SMCHD1: variants seen among roughly 807,000 people sequenced by gnomAD.
The protein encoded by SMCHD1 is structural maintenance of chromosomes flexible hinge domain containing 1, also known as structural maintenance of chromosomes flexible hinge domain-containing protein 1.
In SMCHD1, 78 loss-of-function variants were observed where a neutral mutation model predicts 254.7. That is an observed-to-expected ratio of 0.31 (90% CI 0.26 to 0.37). The LOEUF (loss-of-function observed/expected upper bound fraction) is 0.37. Among genes scored for constraint, SMCHD1 ranks in the 10% least tolerant of loss-of-function variants. SMCHD1 has a pLI of 1.00. For missense variants in SMCHD1, 1,840 were observed against 2,408.1 expected (o/e 0.76, Z 4.94); for synonymous variants, 766 against 794.9 (o/e 0.96, Z 0.61).
rs372694951 is a variant in SMCHD1 at position 2,685,094 on chromosome 18, A to ATTTTTTTTTTTTT, written c.639-3293_639-3292insTTTTTTTTTTTTT. ...AGCACACTGTTCTGTTCTGTCCCTT[A>ATTTTTTTTTTTTT]TTTTTTTCTTTTTTTTTTTTTTTTG... On this transcript the variant is annotated intron_variant, in intron 5 of 47. Transcript: ENST00000320876. Among the ~76,000 whole-genome samples the ATTTTTTTTTTTTT allele has an allele frequency of 1.1e-4, 9 of 81,878 alleles. 2 individuals are homozygous for ATTTTTTTTTTTTT. Among genetic ancestry groups the ATTTTTTTTTTTTT allele is most frequent in the African/African-American group, 3.1e-4 (6 of 19,672 alleles). 53.7% of individuals were successfully genotyped at this position (81,878 alleles called of 152,430 possible).
At chr18:2,677,992 T>G (rs1351427862) in intron 5 of SMCHD1, among the ~76,000 whole-genome samples, 1 of 152,188 alleles carries the variant, frequency 6.6e-6, no homozygotes, top group African/African-American at 2.4e-5. Flanking sequence ...AACAATCCAG[T>G]CTGGATTAAT....
chr18:2,671,251 A>G (rs1042303025), intron 3 of SMCHD1, among the ~76,000 whole-genome samples: 1 of 151,834 alleles, frequency 6.6e-6, no homozygotes, highest in Non-Finnish European at 1.5e-5. Context: ...ATCTTTAATT[A>G]TTTTCCTGGG....
In SMCHD1 at chr18:2,762,207, T is replaced by G; in HGVS notation, c.4537T>G (p.Leu1513Val). The change falls in exon 36 of 48, where the codon TTG (leucine) becomes GTG (valine). Residue 1513 changes from leucine to valine, a missense_variant. By Grantham distance (32) the Leu-to-Val change is conservative. Around this residue, in one of 9 missense-constraint regions of SMCHD1, gnomAD observed 881 missense variants for 1,009.5 expected, o/e 0.87. Coordinates refer to ENST00000320876, the MANE Select transcript of SMCHD1 (RefSeq NM_015295.3). ...SNVRSVASRTLVRDLHLSITD... is the reference protein window; with the variant it reads ...SNVRSVASRTVVRDLHLSITD... ...TGTTCGCTCAGTTGCCAGTAGGACC[T>G]TGGTCAGAGATCTACATCTTAGTAT... The G allele has an allele frequency of 6.2e-7, 1 of 1,612,186 alleles. No homozygotes were observed. Among genetic ancestry groups the G allele is most frequent in the Non-Finnish European group, 8.5e-7 (1 of 1,179,214 alleles).
At chr18:2,711,704 G>T (rs890195815) in intron 17 of SMCHD1, among the ~76,000 whole-genome samples, 1 of 151,454 alleles carries the variant, frequency 6.6e-6, no homozygotes, top group Non-Finnish European at 1.5e-5. Flanking sequence ...GGATGGTCTC[G>T]ATCTCCTGAC....
intron 31 of SMCHD1, 74 bp from the exon 32 acceptor site, chr18:2,750,276 T>C (rs2075546465): frequency 6.7e-7 from 1 of 1,485,726 alleles, no homozygotes; most frequent in African/African-American, 1.4e-5. Context: ...AGTTGAACTT[T>C]GCATAAATTG....
chr18:2,667,529 C>CCT (rs1182681404), intron 3 of SMCHD1, among the ~76,000 whole-genome samples: 2 of 152,182 alleles, frequency 1.3e-5, no homozygotes, highest in Non-Finnish European at 2.9e-5. Flanking sequence ...TTTACTGAAT[C>CCT]CTCTCTTTCA....
intron 44 of SMCHD1, among the ~76,000 whole-genome samples, chr18:2,782,969 A>G (rs1279517177): frequency 1.3e-5 from 2 of 152,118 alleles, no homozygotes; most frequent in African/African-American, 4.8e-5. Context: ...TTACCAAAGA[A>G]TTCACCACAG....
Position 2,705,778 on chromosome 18 carries a change from G to A in SMCHD1, c.1927G>A (p.Ala643Thr). The A allele has an allele frequency of 6.2e-7, 1 of 1,604,406 alleles. No homozygotes were observed. Among genetic ancestry groups the A allele is most frequent in the East Asian group, 2.2e-5 (1 of 44,634 alleles). Residue 643 changes from alanine (A) to threonine (T), a missense_variant, in exon 14 of 48, where the codon GCT becomes ACT. This residue lies in a region of SMCHD1 where 498 missense variants were observed against 743.5 expected (regional missense o/e 0.67). Coordinates refer to ENST00000320876, the MANE Select transcript of SMCHD1 (RefSeq NM_015295.3). ...LYGDHDGEVY[A>T]TGGEVQIAME... Reference sequence around the variant, plus strand: ...TGGCGATCATGATGGAGAAGTATATGCTACAGGAGGAGAGGTTCAAATTGC... The same window carrying A: ...TGGCGATCATGATGGAGAAGTATATACTACAGGAGGAGAGGTTCAAATTGC...
At position 2,745,414 on chromosome 18, in the gene SMCHD1, C is replaced by T. The variant is rs74922690; in HGVS notation, c.3801+1486C>T. Among the ~76,000 whole-genome samples, 656 of 152,304 alleles carry T rather than the reference C, an allele frequency of 4.3e-3. 4 individuals carry two copies. The highest frequency in any genetic ancestry group is 0.014 in the African/African-American group (598 of 41,556). ...AGGTCATCTAAGAAAGGTTAACATGCTCATGCCTTAGTTTGAGATTGATCT... is the reference window on the plus strand; with the variant it reads ...AGGTCATCTAAGAAAGGTTAACATGTTCATGCCTTAGTTTGAGATTGATCT... On this transcript the variant is annotated intron_variant, in intron 29 of 47. Coordinates refer to ENST00000320876, the MANE Select transcript of SMCHD1 (RefSeq NM_015295.3).
intron 36 of SMCHD1, among the ~76,000 whole-genome samples, 172 bp from the exon 37 acceptor site, chr18:2,763,465 T>C (rs1325940593): frequency 6.6e-6 from 1 of 152,216 alleles, no homozygotes; most frequent in Non-Finnish European, 1.5e-5. Flanking sequence ...CTGGAACTAT[T>C]TCTTGCCTGT....
intron 32 of SMCHD1, 51 bp downstream of exon 32, chr18:2,750,558 C>T (rs2075552145): frequency 1.4e-6 from 2 of 1,444,962 alleles, no homozygotes; most frequent in Non-Finnish European, 1.9e-6. Context: ...TTGCTTTGTA[C>T]ATTAGTGGAA....
chr18:2,801,416 CT>C (rs1050178759), intron 47 of SMCHD1, among the ~76,000 whole-genome samples: 12 of 152,310 alleles, frequency 7.9e-5, no homozygotes, highest in African/African-American at 2.9e-4. Flanking sequence ...TGGACTGCGA[CT>C]TTCTCCTCTT....
chr18:2,718,371 A>G lies in SMCHD1; in HGVS notation c.2395A>G (p.Ser799Gly). 6.2e-7 allele frequency: 1 copy of G among 1,612,710 alleles called. No individual in the cohort carries two copies. The highest frequency in any genetic ancestry group is 8.5e-7 in the Non-Finnish European group (1 of 1,179,024). ...GAAATTACAAGTTGTGTTGAATGAA[A>G]GTAATGCAGACACTTATGCAGGAAG... is the stretch of plus-strand genomic sequence containing the variant. ...TLKLQVVLNESNADTYAGRPL... is the reference protein window; with the variant it reads ...TLKLQVVLNEGNADTYAGRPL... The change falls in exon 19 of 48, where the codon AGT becomes GGT. Residue 799 changes from serine to glycine, a missense_variant. Coordinates refer to ENST00000320876, the MANE Select transcript of SMCHD1 (RefSeq NM_015295.3). This position sits in a 1 kb window ranked among gnomAD's most constrained non-coding sequence, Gnocchi z 4.6.
At position 2,656,110 on chromosome 18, in the gene SMCHD1, C is replaced by A. The variant is rs955025983; in HGVS notation, c.35C>A (p.Ala12Asp). Residue 12 changes from alanine (A) to aspartate (D), a missense_variant, in exon 1 of 48, where the codon GCC (alanine) becomes GAC (aspartate). Around this residue, in one of 9 missense-constraint regions of SMCHD1, gnomAD observed 115 missense variants for 99.1 expected, o/e 1.16. Transcript: ENST00000320876. ...AAADGGGPGG[A>D]SVGTEEDGGG... ...GCGGACGGCGGCGGGCCTGGTGGGG[C>A]CTCTGTGGGGACTGAGGAGGATGGC... is the stretch of plus-strand genomic sequence containing the variant. The A allele has an allele frequency of 4.2e-6, 6 of 1,440,168 alleles. No homozygotes were observed. The highest frequency in any genetic ancestry group is 5.5e-6 in the Non-Finnish European group (6 of 1,096,304). 89.2% of individuals were successfully genotyped at this position (1,440,168 alleles called of 1,614,324 possible). A position where few individuals can be genotyped will look rare whatever the true frequency, so the allele number is the denominator to read the frequency against.
At position 2,796,500 on chromosome 18, in the gene SMCHD1, G is replaced by A. The variant is rs1221685804; in HGVS notation, c.5972G>A (p.Arg1991Gln). Residue 1991 changes from arginine (R) to glutamine (Q), a missense_variant, in exon 47 of 48, where the codon CGA becomes CAA. Physicochemically the swap from Arg to Gln is conservative, Grantham distance 43. Around this residue, in one of 9 missense-constraint regions of SMCHD1, gnomAD observed 132 missense variants for 138.2 expected, o/e 0.95. Transcript: ENST00000320876. ...CCAGTTCCTCCTAAAAGAATGAGAC[G>A]AGAAGCTACAAGACAAAATAGGTGA... The part of the protein sequence containing the change: ...DCPVPPKRMR[R>Q]EATRQNRIIT... 3 of 1,599,160 alleles carry A rather than the reference G, an allele frequency of 1.9e-6. No individual in the cohort carries two copies. Among genetic ancestry groups the A allele is most frequent in the Non-Finnish European group, 1.7e-6 (2 of 1,172,250 alleles).
rs1290109292 is a variant in SMCHD1 at position 2,762,143 on chromosome 18, A to C, written c.4473A>C (p.Leu1491Phe). 6.2e-7 allele frequency: 1 copy of C among 1,613,682 alleles called. No homozygotes were observed. The highest frequency in any genetic ancestry group is 1.7e-5 in the Admixed American group (1 of 60,028). ...TCCTGCCTAATCAACCTGTGAAGTTAGTACCTAAAATTAAACCACCTACAC... is the reference window on the plus strand; with the variant it reads ...TCCTGCCTAATCAACCTGTGAAGTTCGTACCTAAAATTAAACCACCTACAC... The part of the protein sequence containing the change: ...VEVLPNQPVK[L>F]VPKIKPPTPA... The change falls in exon 36 of 48, where the codon TTA becomes TTC. Residue 1491 changes from leucine (L) to phenylalanine (F), a missense_variant. Physicochemically the swap from Leu to Phe is conservative, Grantham distance 22. This residue lies in a region of SMCHD1 where 881 missense variants were observed against 1,009.5 expected (regional missense o/e 0.87). Transcript: ENST00000320876.
At chr18:2,781,036 T>C (rs902267368) in intron 44 of SMCHD1, among the ~76,000 whole-genome samples, 24 of 152,166 alleles carry the variant, frequency 1.6e-4, no homozygotes, top group Admixed American at 6.5e-5. Context: ...AGTGAGAACG[T>C]TTGCCAAACT....
chr18:2,756,854 C>T (rs1466601921), intron 34 of SMCHD1, among the ~76,000 whole-genome samples: 3 of 151,978 alleles, frequency 2.0e-5, no homozygotes, highest in Admixed American at 6.6e-5. Flanking sequence ...TTGTTCATAC[C>T]GTTCTGTTTA....
chr18:2,785,282 A>G (rs2076220860), intron 45 of SMCHD1, among the ~76,000 whole-genome samples: 1 of 152,230 alleles, frequency 6.6e-6, no homozygotes, highest in South Asian at 2.1e-4. Flanking sequence ...CCTAACACAG[A>G]GCAGTTTGTT....
Sources: allele counts gnomAD v4.1 joint callset (sites outside exome capture counted in the v4.1 genomes callset), GRCh38; gene constraint gnomAD v4.1.1; regional missense constraint gnomAD v4.1.1; non-coding constraint Gnocchi (gnomAD v3.1); transcripts MANE v1.5; gene names NCBI Gene and HGNC (gene_info 2026-07-23, HGNC 2026-07-21).